The following RBFOX1 variants were observed in gnomAD, a reference collection of about 807,000 sequenced individuals.
RBFOX1 encodes the protein RNA binding fox-1 homolog 1.
In RBFOX1, 8 loss-of-function variants were observed where a neutral mutation model predicts 57.7. The observed-to-expected ratio is 0.14, with a 90% CI of 0.08 to 0.25. The LOEUF (loss-of-function observed/expected upper bound fraction) is 0.25, where lower values mean the gene tolerates loss of function less well. RBFOX1 is among the 10% of genes least tolerant of loss of function. The pLI, the probability that RBFOX1 is intolerant of heterozygous loss-of-function variation, is 1.00. For missense variants in RBFOX1, 611 were observed against 548.5 expected, an observed-to-expected ratio of 1.11 and a Z score of -1.14; for synonymous variants, 326 against 222.4, an observed-to-expected ratio of 1.47 and a Z score of -4.15.
At chr16:5,769,902 T>G (rs2053920438) in intron 3 of RBFOX1, among the ~76,000 whole-genome samples, 1 of 152,192 alleles carries the variant, frequency 6.6e-6, no homozygotes, top group African/African-American at 2.4e-5. Context: ...AGGAAATTCA[T>G]GCAGGATGTT....
At chr16:7,698,375 C>T (rs528499257) in intron 14 of RBFOX1, among the ~76,000 whole-genome samples, 11 of 152,086 alleles carry the variant, frequency 7.2e-5, no homozygotes, top group African/African-American at 2.7e-4. Flanking sequence ...AGGGTAGGGT[C>T]TGCAAGAAAG....
chr16:6,151,001 G>C (rs891826410), intron 1 of RBFOX1, among the ~76,000 whole-genome samples: 17 of 152,046 alleles, frequency 1.1e-4, no homozygotes, highest in Non-Finnish European at 2.4e-4. Context: ...TCCAGGATGG[G>C]TCCTTCTTCC....
intron 3 of RBFOX1, among the ~76,000 whole-genome samples, chr16:6,664,148 C>T (rs1475229263): frequency 6.6e-6 from 1 of 152,154 alleles, no homozygotes; most frequent in African/African-American, 2.4e-5. Context: ...TGTCAGTTCC[C>T]TTCTGGTCCA....
intron 4 of RBFOX1, among the ~76,000 whole-genome samples, chr16:5,906,385 A>C (rs1369429117): frequency 6.6e-6 from 1 of 152,244 alleles, no homozygotes; most frequent in Non-Finnish European, 1.5e-5. Flanking sequence ...TGTTTCTGCA[A>C]AGAATTCCAA....
chr16:6,512,979 A>G (rs2096284473), intron 2 of RBFOX1, among the ~76,000 whole-genome samples: 1 of 152,206 alleles, frequency 6.6e-6, no homozygotes, highest in Admixed American at 6.5e-5. Context: ...GAGAAGCAGA[A>G]TAATTTTGTT....
chr16:6,343,189 G>GA (rs1475331642), intron 2 of RBFOX1, among the ~76,000 whole-genome samples: 6 of 152,052 alleles, frequency 3.9e-5, no homozygotes, highest in Admixed American at 6.6e-5. Flanking sequence ...GAAATTCGGG[G>GA]AAAAATGGCT....
At chr16:6,761,067 C>A (rs1603615777) in intron 3 of RBFOX1, among the ~76,000 whole-genome samples, 1 of 152,154 alleles carries the variant, frequency 6.6e-6, no homozygotes, top group East Asian at 1.9e-4. Context: ...AATTAAATTA[C>A]CTATTGATTA....
intron 2 of RBFOX1, among the ~76,000 whole-genome samples, chr16:6,522,884 C>G (rs1285401392): frequency 3.3e-5 from 5 of 152,124 alleles, no homozygotes; most frequent in African/African-American, 1.2e-4. Flanking sequence ...CTTTGTTTCT[C>G]TTCCTTGATC....
At chr16:6,108,260 A>C (rs7197461) in intron 1 of RBFOX1, among the ~76,000 whole-genome samples, 1 of 151,886 alleles carries the variant, frequency 6.6e-6, no homozygotes, top group Non-Finnish European at 1.5e-5. Flanking sequence ...GTAGTGTAGC[A>C]GAGTGGTTAT....
intron 3 of RBFOX1, among the ~76,000 whole-genome samples, chr16:5,764,825 CATTT>C (rs1331583451): frequency 6.6e-6 from 1 of 152,122 alleles, no homozygotes; most frequent in Non-Finnish European, 1.5e-5. Context: ...GCTTATTAAA[CATTT>C]ATTATTTACC....
At chr16:5,677,660 T>G (rs2050208425) in intron 3 of RBFOX1, among the ~76,000 whole-genome samples, 1 of 152,190 alleles carries the variant, frequency 6.6e-6, no homozygotes, top group South Asian at 2.1e-4. Flanking sequence ...GGAATAAACA[T>G]GTCGTGTTAG....
intron 3 of RBFOX1, among the ~76,000 whole-genome samples, chr16:7,010,091 C>T (rs193224131): frequency 6.6e-6 from 1 of 152,096 alleles, no homozygotes; most frequent in Admixed American, 6.6e-5. Context: ...ACTTCTATAA[C>T]GGTTTGCCTA....
At chr16:7,697,193 G>T (rs2079066097) in intron 14 of RBFOX1, among the ~76,000 whole-genome samples, 1 of 152,164 alleles carries the variant, frequency 6.6e-6, no homozygotes, top group Non-Finnish European at 1.5e-5. Flanking sequence ...CCAGAGAGGG[G>T]TGACAATGGC....
intron 4 of RBFOX1, among the ~76,000 whole-genome samples, chr16:7,115,659 A>G (rs1299457333): frequency 6.6e-6 from 1 of 152,214 alleles, no homozygotes; most frequent in African/African-American, 2.4e-5. Context: ...TAAGCAATTC[A>G]AGAGAGAATG....
At chr16:6,663,863 T>C (rs866183779) in intron 3 of RBFOX1, among the ~76,000 whole-genome samples, 2 of 152,202 alleles carry the variant, frequency 1.3e-5, no homozygotes, top group Admixed American at 6.5e-5. Context: ...AGGTTGAGCA[T>C]GGCATGACTA....
intron 1 of RBFOX1, among the ~76,000 whole-genome samples, chr16:5,393,527 G>T (rs514175): frequency 2.0e-5 from 3 of 152,232 alleles, no homozygotes; most frequent in African/African-American, 7.2e-5. Context: ...TGTCACTTTT[G>T]ATGAATGGGT....
intron 4 of RBFOX1, among the ~76,000 whole-genome samples, chr16:5,908,416 G>A (rs1454452203): frequency 1.3e-5 from 2 of 151,374 alleles, no homozygotes; most frequent in East Asian, 2.0e-4. Context: ...GCAGTAGTGC[G>A]ATCTTGGCTC....
At chr16:6,477,670 C>A (rs927856301) in intron 2 of RBFOX1, among the ~76,000 whole-genome samples, 6 of 152,192 alleles carry the variant, frequency 3.9e-5, no homozygotes, top group African/African-American at 1.2e-4. Context: ...GCTGTATTAG[C>A]CCCTAATAAG....
At chr16:6,079,171 C>T (rs1447945224) in intron 1 of RBFOX1, among the ~76,000 whole-genome samples, 1 of 151,908 alleles carries the variant, frequency 6.6e-6, no homozygotes, top group Non-Finnish European at 1.5e-5. Flanking sequence ...TTACCAGCCG[C>T]ATTACATGCC....
Sources: allele counts gnomAD v4.1 joint callset (sites outside exome capture counted in the v4.1 genomes callset), GRCh38; gene constraint gnomAD v4.1.1; transcripts MANE v1.5; gene names NCBI Gene and HGNC (gene_info 2026-07-23, HGNC 2026-07-21).